Variants in CDC42BPB observed in about 807,000 individuals in gnomAD.
The protein encoded by CDC42BPB is serine/threonine-protein kinase MRCK beta.
In CDC42BPB, 37 loss-of-function variants were observed where a neutral mutation model predicts 214.9. The ratio of observed to expected loss-of-function variants is 0.17; its 90% CI spans 0.13 to 0.23. The LOEUF (loss-of-function observed/expected upper bound fraction) is 0.23. Ranked by LOEUF, CDC42BPB falls within the 10% of genes least tolerant of loss-of-function variation. The probability of loss-of-function intolerance (pLI) is 1.00; values close to 1 mark genes in which losing one functional copy is unlikely to be tolerated. For synonymous variants in CDC42BPB, 931 were observed against 884.0 expected (o/e 1.05, Z -0.94); for missense variants, 1,694 against 2,227.0 (o/e 0.76, Z 4.82).
rs958611705 is a variant in CDC42BPB at position 102,941,687 on chromosome 14, C to G, written c.4409-1363G>C. On this transcript the variant is annotated intron_variant, in intron 30 of 36. Transcript: ENST00000361246. ...GCCCAGTGAAAAGATTCTAGTGAAA[C>G]AGATTCTAGTGAAAAGAACATGGGC... The G allele has an allele frequency of 1.4e-5, 5 of 356,954 alleles. No homozygotes were observed. In the East Asian group the frequency reaches 8.3e-4, roughly 59 times the overall value. 22.1% of individuals were successfully genotyped at this position (356,954 alleles called of 1,614,324 possible).
intron 2 of CDC42BPB, among the ~76,000 whole-genome samples, chr14:103,009,395 C>T (rs572761747): frequency 6.6e-5 from 10 of 152,290 alleles, no homozygotes; most frequent in African/African-American, 2.4e-4. Context: ...ACCCCAGCTG[C>T]GGGGGATTTC....
chr14:103,045,761 T>C (rs117278663), intron 1 of CDC42BPB, among the ~76,000 whole-genome samples: 2 of 151,794 alleles, frequency 1.3e-5, no homozygotes, highest in African/African-American at 2.4e-5. Flanking sequence ...TCGTGCAGAG[T>C]TGAGAGCTGG....
At chr14:103,025,679 G>A (rs778888076) in intron 1 of CDC42BPB, among the ~76,000 whole-genome samples, 2 of 151,836 alleles carry the variant, frequency 1.3e-5, no homozygotes, top group African/African-American at 2.4e-5. Context: ...TTAGCCAGGC[G>A]TGGTGGCACA....
intron 1 of CDC42BPB, among the ~76,000 whole-genome samples, chr14:103,013,992 T>C (rs906601354): frequency 5.9e-5 from 9 of 152,086 alleles, no homozygotes; most frequent in Non-Finnish European, 1.2e-4. Context: ...GGTGAAACCC[T>C]GTCTCTACTA....
At position 102,939,960 on chromosome 14, in the gene CDC42BPB, A is replaced by AGCGC. The variant is rs775335460; in HGVS notation, c.4592-17_4592-14dup. 6.2e-7 allele frequency: 1 copy of AGCGC among 1,613,864 alleles called. No individual in the cohort carries two copies. Among genetic ancestry groups the AGCGC allele is most frequent in the Non-Finnish European group, 8.5e-7 (1 of 1,180,014 alleles). Reference sequence around the variant, plus strand: ...TTGAGAACCGCTCCTGCAGAAGCAGAGCGCGCGGTGACGGTGCTGCGGCAC... The same window carrying AGCGC: ...TTGAGAACCGCTCCTGCAGAAGCAGAGCGCGCGCGCGGTGACGGTGCTGCGGCAC... On this transcript the variant is annotated splice_polypyrimidine_tract_variant and intron_variant, in intron 32 of 36. Transcript: ENST00000361246.
At chr14:102,962,982 A>T in intron 20 of CDC42BPB, 79 bp downstream of exon 20, 1 of 707,748 alleles carries the variant, frequency 1.4e-6, no homozygotes, top group Non-Finnish European at 2.4e-6. Context: ...AGTAACTATT[A>T]AGTCGAAAAG....
intron 1 of CDC42BPB, among the ~76,000 whole-genome samples, chr14:103,053,075 C>T (rs772432208): frequency 2.6e-5 from 4 of 152,160 alleles, no homozygotes; most frequent in Non-Finnish European, 5.9e-5. Flanking sequence ...CAAGGCCAGG[C>T]GTGGTGGCTC....
intron 34 of CDC42BPB, among the ~76,000 whole-genome samples, chr14:102,939,302 A>G (rs1891783746): frequency 6.6e-6 from 1 of 152,256 alleles, no homozygotes; most frequent in Admixed American, 6.5e-5. Context: ...GGTGTTACTG[A>G]GAAATCACCA....
At chr14:103,030,374 T>C (rs1005656760) in intron 1 of CDC42BPB, among the ~76,000 whole-genome samples, 1 of 152,230 alleles carries the variant, frequency 6.6e-6, no homozygotes, top group Non-Finnish European at 1.5e-5. Flanking sequence ...TCATTTTAAA[T>C]GTTATTTATT....
chr14:103,054,648 A>G (rs910944725), intron 1 of CDC42BPB, among the ~76,000 whole-genome samples: 1 of 152,286 alleles, frequency 6.6e-6, no homozygotes, highest in African/African-American at 2.4e-5. Context: ...ATGAGTTTAA[A>G]TACTTGTAAA....
intron 28 of CDC42BPB, 58 bp from the exon 29 acceptor site, chr14:102,945,782 G>T: frequency 6.9e-7 from 1 of 1,455,842 alleles, no homozygotes; most frequent in South Asian, 1.1e-5. Flanking sequence ...AACAATATGG[G>T]TTTGAATGCG....
Position 102,971,717 on chromosome 14 carries a change from A to G in CDC42BPB, c.1884+202T>C, listed in dbSNP as rs561133550. 1.3e-5 allele frequency among the ~76,000 whole-genome samples: 2 copies of G among 152,392 alleles called. 1 individual carries two copies. The highest frequency in any genetic ancestry group is 4.1e-4 in the South Asian group (2 of 4,830). On this transcript the variant is annotated intron_variant, in intron 13 of 36. Transcript: ENST00000361246. ...ACTTAAAAGGGAATTAAAGAAAATC[A>G]GCACCACAAGAACCTTATTGTAATT...
At chr14:103,034,393 T>A (rs924740290) in intron 1 of CDC42BPB, among the ~76,000 whole-genome samples, 1 of 152,190 alleles carries the variant, frequency 6.6e-6, no homozygotes, top group Non-Finnish European at 1.5e-5. Flanking sequence ...AATGAAAACA[T>A]TTAAAGTTCA....
chr14:103,049,603 G>C (rs534469511), intron 1 of CDC42BPB, among the ~76,000 whole-genome samples: 4 of 152,346 alleles, frequency 2.6e-5, no homozygotes, highest in African/African-American at 9.6e-5. Flanking sequence ...CTACAACCCA[G>C]TAGTACCGCT....
intron 6 of CDC42BPB, among the ~76,000 whole-genome samples, chr14:102,985,825 A>G (rs143794710): frequency 2.0e-5 from 3 of 152,370 alleles, no homozygotes; most frequent in East Asian, 3.9e-4. Context: ...AGTTTGCTGC[A>G]AGCAGCTGCC....
At chr14:103,032,906 C>T (rs968675038) in intron 1 of CDC42BPB, among the ~76,000 whole-genome samples, 3 of 149,416 alleles carry the variant, frequency 2.0e-5, no homozygotes, top group African/African-American at 4.9e-5. Context: ...CATAATCCAC[C>T]GTGCCCGGCC....
At chr14:102,993,553 G>A (rs1894593512) in intron 5 of CDC42BPB, among the ~76,000 whole-genome samples, 1 of 151,950 alleles carries the variant, frequency 6.6e-6, no homozygotes, top group Non-Finnish European at 1.5e-5. Flanking sequence ...GAGGGAAAGA[G>A]GGAGGGAGGG....
At chr14:103,054,614 A>G (rs1451041716) in intron 1 of CDC42BPB, among the ~76,000 whole-genome samples, 1 of 152,272 alleles carries the variant, frequency 6.6e-6, no homozygotes, top group African/African-American at 2.4e-5. Context: ...CTTTAGAGTT[A>G]CAATGACGTA....
chr14:102,940,532 C>T (rs933258906), intron 30 of CDC42BPB: 7 of 1,331,916 alleles, frequency 5.3e-6, no homozygotes, highest in South Asian at 1.5e-5. Flanking sequence ...TGTTTAAATG[C>T]TCCACAATCA....
Sources: gnomAD v4.1 joint callset for allele counts (sites outside exome capture counted in the v4.1 genomes callset) on GRCh38, gnomAD v4.1.1 for gene constraint, MANE v1.5 for transcripts, NCBI Gene and HGNC (gene_info 2026-07-23, HGNC 2026-07-21) for gene names.